The following SPATA16 variants were observed in gnomAD, a reference collection of about 807,000 sequenced individuals.
SPATA16 encodes spermatogenesis associated 16.
In SPATA16, 36 loss-of-function variants were observed where a neutral mutation model predicts 63.3. The observed-to-expected ratio is 0.57, with a 90% CI of 0.44 to 0.75. The LOEUF (loss-of-function observed/expected upper bound fraction) is 0.75, where lower values mean the gene tolerates loss of function less well. Among genes scored for constraint, SPATA16 ranks in the 30% least tolerant of loss-of-function variants. The pLI is 0.00. For missense variants in SPATA16, 646 were observed against 679.3 expected (o/e 0.95, Z 0.54); for synonymous variants, 203 against 216.7 (o/e 0.94, Z 0.56).
chr3:173,117,905 A>C (rs1737952132), intron 1 of SPATA16, among the ~76,000 whole-genome samples, 156 bp from the exon 2 acceptor site: 1 of 152,218 alleles, frequency 6.6e-6, no homozygotes, highest in East Asian at 1.9e-4. Flanking sequence ...TGACTATTTT[A>C]ATAGAGGAGT....
At chr3:173,135,243 G>A (rs972102420) in intron 1 of SPATA16, among the ~76,000 whole-genome samples, 3 of 152,178 alleles carry the variant, frequency 2.0e-5, no homozygotes, top group Non-Finnish European at 4.4e-5. Flanking sequence ...GGAATGCAAA[G>A]TGAAACCACA....
rs201022124 is a variant in SPATA16, at chr3:173,019,534, C to A, written c.800G>T (p.Arg267Leu). ...CAGACATCTAAACACTGTTGCTTGA[C>A]GAAGATGATTCCGGAAATAGGCTGG... is the stretch of plus-strand genomic sequence containing the variant. ...LNPAYFRNHLRQATVFRCLER... is the reference protein window; with the variant it reads ...LNPAYFRNHLLQATVFRCLER... The change falls in exon 4 of 11, where the codon CGT becomes CTT. Residue 267 changes from arginine to leucine, a missense_variant. Arg to Leu is a moderately radical substitution (Grantham distance 102). Coordinates refer to ENST00000351008, the MANE Select transcript of SPATA16 (RefSeq NM_031955.6). 2 of 1,614,026 alleles carry A rather than the reference C, an allele frequency of 1.2e-6. No homozygotes were observed. The highest frequency in any genetic ancestry group is 1.1e-5 in the South Asian group (1 of 91,086).
At chr3:172,939,196 A>G (rs1035151458) in intron 6 of SPATA16, among the ~76,000 whole-genome samples, 1 of 152,128 alleles carries the variant, frequency 6.6e-6, no homozygotes, top group African/African-American at 2.4e-5. Flanking sequence ...TGCCTGCAAT[A>G]CGTCGGGGAG....
At chr3:173,014,494 T>C (rs1735136982) in intron 4 of SPATA16, among the ~76,000 whole-genome samples, 1 of 152,222 alleles carries the variant, frequency 6.6e-6, no homozygotes, top group African/African-American at 2.4e-5. Flanking sequence ...CTATGCTCAC[T>C]ACCTGGGTAA....
At chr3:172,923,633 G>A (rs1732663171) in intron 8 of SPATA16, among the ~76,000 whole-genome samples, 1 of 152,158 alleles carries the variant, frequency 6.6e-6, no homozygotes, top group East Asian at 1.9e-4. Flanking sequence ...TTGTAAAATA[G>A]CAGTGTAATT....
At chr3:173,098,962 C>T (rs1388547397) in intron 2 of SPATA16, among the ~76,000 whole-genome samples, 1 of 152,020 alleles carries the variant, frequency 6.6e-6, no homozygotes, top group Non-Finnish European at 1.5e-5. Flanking sequence ...ACCAACCAAC[C>T]AACCAAACAA....
chr3:172,960,285 C>G (rs184752129), intron 5 of SPATA16, among the ~76,000 whole-genome samples: 107 of 152,298 alleles, frequency 7.0e-4, no homozygotes, highest in Admixed American at 1.2e-3. Context: ...GTGAACTTCT[C>G]TGATGTCAGT....
At chr3:172,946,806 C>T (rs767284219) in intron 6 of SPATA16, among the ~76,000 whole-genome samples, 1 of 152,158 alleles carries the variant, frequency 6.6e-6, no homozygotes, top group Non-Finnish European at 1.5e-5. Context: ...TGGCTGGATT[C>T]ACCACCTGCG....
Position 172,959,597 on chromosome 3 carries a change from A to G in SPATA16, c.934-2773T>C, listed in dbSNP as rs910185447. Among the ~76,000 whole-genome samples the G allele has an allele frequency of 3.9e-5, 6 of 152,252 alleles. No homozygotes were observed. The East Asian group carries it at 1.2e-3, about 29-fold the overall frequency. ...CCATGGAGATGCTTTCTTAAAGGAA[A>G]TTATTATAGCCCCAGGAAGAAATAG... On this transcript the variant is annotated intron_variant, in intron 5 of 10. Coordinates refer to ENST00000351008, the MANE Select transcript of SPATA16 (RefSeq NM_031955.6).
At chr3:172,908,990 T>G (rs971229870) in intron 10 of SPATA16, among the ~76,000 whole-genome samples, 103 of 152,182 alleles carry the variant, frequency 6.8e-4, no homozygotes, top group African/African-American at 2.4e-3. Flanking sequence ...TGGGAAAAAT[T>G]TGGCACCCTG....
chr3:173,073,961 C>T (rs927355562), intron 2 of SPATA16, among the ~76,000 whole-genome samples: 8 of 152,048 alleles, frequency 5.3e-5, no homozygotes, highest in Admixed American at 2.6e-4. Flanking sequence ...ATCAGTGTGA[C>T]CTGGATAAGA....
At chr3:172,933,185 T>C (rs1732908380) in intron 6 of SPATA16, among the ~76,000 whole-genome samples, 1 of 152,226 alleles carries the variant, frequency 6.6e-6, no homozygotes, top group Admixed American at 6.5e-5. Context: ...TCCCTCTCAA[T>C]GTTTATTAGA....
chr3:172,968,114 C>T (rs779534877), intron 5 of SPATA16, among the ~76,000 whole-genome samples: 5 of 152,162 alleles, frequency 3.3e-5, no homozygotes, highest in South Asian at 2.1e-4. Flanking sequence ...TCCTGAGAAG[C>T]GGGGACTGTA....
At chr3:173,103,759 C>A (rs2861070) in intron 2 of SPATA16, among the ~76,000 whole-genome samples, 19,645 of 152,254 alleles carry the variant, frequency 0.13, 1,341 homozygotes, top group African/African-American at 0.17. Flanking sequence ...GCTATCAGCA[C>A]CTAGCTACAT....
At chr3:173,123,844 T>G (rs967965773) in intron 1 of SPATA16, among the ~76,000 whole-genome samples, 8 of 152,102 alleles carry the variant, frequency 5.3e-5, no homozygotes, top group African/African-American at 1.9e-4. Context: ...CCTCAGGTGA[T>G]CCACCCGCCT....
rs1560101061 is a variant in SPATA16, at chr3:173,028,038, C to CT, written c.759-8464_759-8463insA. On this transcript the variant is annotated intron_variant, in intron 3 of 10. Coordinates refer to ENST00000351008, the MANE Select transcript of SPATA16 (RefSeq NM_031955.6). ...CCCTTCCTTCTTTCCTTCCTTCCTT[C>CT]CTTCCTTCCTTCCTTCCTTCCTTCC... 1.8e-3 allele frequency among the ~76,000 whole-genome samples: 185 copies of CT among 102,118 alleles called. 3 individuals carry two copies. Among genetic ancestry groups the CT allele is most frequent in the African/African-American group, 7.6e-3 (178 of 23,396 alleles). The allele number at this position is 102,118 out of a possible 152,430, so 67.0% of individuals were successfully genotyped here.
chr3:173,139,225 T>G (rs1738633871), intron 1 of SPATA16, among the ~76,000 whole-genome samples: 1 of 152,212 alleles, frequency 6.6e-6, no homozygotes, highest in Non-Finnish European at 1.5e-5. Context: ...GTTCAGCAAT[T>G]TTTTTAAAAA....
intron 3 of SPATA16, among the ~76,000 whole-genome samples, chr3:173,022,148 C>T (rs1196599584): frequency 1.3e-5 from 2 of 151,826 alleles, no homozygotes; most frequent in Non-Finnish European, 2.9e-5. Context: ...TTGACACTAT[C>T]GGAACCATTA....
At chr3:173,050,898 A>G (rs2108294893) in intron 2 of SPATA16, among the ~76,000 whole-genome samples, 1 of 152,354 alleles carries the variant, frequency 6.6e-6, no homozygotes, top group East Asian at 1.9e-4. Context: ...CATTTAAACC[A>G]GATTTAGTAA....
Sources: gnomAD v4.1 joint callset for allele counts (sites outside exome capture counted in the v4.1 genomes callset) on GRCh38, gnomAD v4.1.1 for gene constraint, MANE v1.5 for transcripts, NCBI Gene and HGNC (gene_info 2026-07-23, HGNC 2026-07-21) for gene names.